Variants in TAFA4 observed in about 807,000 individuals in gnomAD.
TAFA4 encodes chemokine-like protein TAFA-4.
Under a neutral mutation model 21.1 loss-of-function variants are expected in TAFA4, and 20 were observed. The ratio of observed to expected loss-of-function variants is 0.95; its 90% confidence interval spans 0.67 to 1.38. The LOEUF (loss-of-function observed/expected upper bound fraction) is 1.38, where lower values mean the gene tolerates loss of function less well. Among genes scored for constraint, TAFA4 ranks in the 40% most tolerant of loss-of-function variants. The pLI is 0.00. For synonymous variants in TAFA4, 71 were observed against 67.4 expected, an observed-to-expected ratio of 1.05 and a Z score of -0.26; for missense variants, 211 against 180.9, an observed-to-expected ratio of 1.17 and a Z score of -0.95.
intron 3 of TAFA4, among the ~76,000 whole-genome samples, chr3:68,817,990 G>A (rs1704026409): frequency 1.3e-5 from 2 of 152,118 alleles, no homozygotes; most frequent in African/African-American, 2.4e-5. Flanking sequence ...TTGGAGCCTA[G>A]CAGTGACTAC....
At chr3:68,866,172 G>T (rs1179823827) in intron 3 of TAFA4, among the ~76,000 whole-genome samples, 1 of 152,070 alleles carries the variant, frequency 6.6e-6, no homozygotes, top group African/African-American at 2.4e-5. Flanking sequence ...AGCCAAAAAA[G>T]ATGCCAAACT....
At chr3:68,923,853 G>A (rs1016845804) in intron 1 of TAFA4, among the ~76,000 whole-genome samples, 1 of 152,140 alleles carries the variant, frequency 6.6e-6, no homozygotes, top group African/African-American at 2.4e-5. Context: ...TCTACTAAGA[G>A]TTGTGTCTCT....
intron 1 of TAFA4, among the ~76,000 whole-genome samples, chr3:68,892,669 T>A (rs1445271158): frequency 1.3e-5 from 2 of 152,242 alleles, no homozygotes; most frequent in Admixed American, 6.5e-5. Context: ...TGTTTATATA[T>A]GGTTTACACT....
chr3:68,780,823 T>G (rs994281325), intron 3 of TAFA4, among the ~76,000 whole-genome samples: 3 of 151,960 alleles, frequency 2.0e-5, no homozygotes, highest in African/African-American at 4.8e-5. Context: ...ATGGAAAAAG[T>G]ATGCCCAAAA....
chr3:68,883,441 G>T (rs755639257), intron 2 of TAFA4, among the ~76,000 whole-genome samples: 5 of 152,148 alleles, frequency 3.3e-5, no homozygotes, highest in Non-Finnish European at 5.9e-5. Context: ...ACTAAATTCA[G>T]TGTATGTGAA....
chr3:68,890,173 AAGAG>A (rs1473700814), intron 1 of TAFA4, among the ~76,000 whole-genome samples: 1 of 152,220 alleles, frequency 6.6e-6, no homozygotes, highest in African/African-American at 2.4e-5. Context: ...GTCAAGAAGA[AAGAG>A]AGACAGAAGA....
chr3:68,924,857 A>G (rs996726622), intron 1 of TAFA4, among the ~76,000 whole-genome samples: 1 of 151,956 alleles, frequency 6.6e-6, no homozygotes, highest in African/African-American at 2.4e-5. Flanking sequence ...CTCCTTACCC[A>G]CTCCCCACTG....
At chr3:68,851,693 C>T (rs891180496) in intron 3 of TAFA4, among the ~76,000 whole-genome samples, 3 of 152,024 alleles carry the variant, frequency 2.0e-5, no homozygotes, top group Non-Finnish European at 2.9e-5. Context: ...CTTGCCATTA[C>T]CTGATAGCTA....
chr3:68,808,295 C>A (rs546187232), intron 3 of TAFA4, among the ~76,000 whole-genome samples: 1 of 152,142 alleles, frequency 6.6e-6, no homozygotes, highest in Non-Finnish European at 1.5e-5. Flanking sequence ...TCAACCGTCC[C>A]ACCTGAGTCC....
At chr3:68,865,779 G>A (rs191940673) in intron 3 of TAFA4, among the ~76,000 whole-genome samples, 33 of 152,170 alleles carry the variant, frequency 2.2e-4, no homozygotes, top group Admixed American at 1.8e-3. Flanking sequence ...AAAGTAGCTA[G>A]AACTATAGGC....
chr3:68,855,058 G>T lies in TAFA4; in HGVS notation c.130+25672C>A, dbSNP rs571095452. 2.6e-5 allele frequency among the ~76,000 whole-genome samples: 4 copies of T among 152,176 alleles called. 1 individual carries two copies. Among genetic ancestry groups the T allele is most frequent in the Non-Finnish European group, 5.9e-5 (4 of 67,994 alleles). Reference sequence around the variant, plus strand: ...TCTTAGGGGCCAGAACAATGACAATGATAAGTAACAAATGACTGTATGAAA... The same window carrying T: ...TCTTAGGGGCCAGAACAATGACAATTATAAGTAACAAATGACTGTATGAAA... On this transcript the variant is annotated intron_variant, in intron 3 of 5. Coordinates refer to ENST00000295569, the MANE Select transcript of TAFA4 (RefSeq NM_182522.5).
intron 3 of TAFA4, among the ~76,000 whole-genome samples, chr3:68,825,165 C>T (rs969225973): frequency 1.3e-5 from 2 of 152,146 alleles, no homozygotes; most frequent in Non-Finnish European, 2.9e-5. Context: ...GTGATGATCA[C>T]CTCCCTGTGT....
At chr3:68,751,728 A>G (rs1329172404) in intron 4 of TAFA4, among the ~76,000 whole-genome samples, 1 of 152,204 alleles carries the variant, frequency 6.6e-6, no homozygotes, top group African/African-American at 2.4e-5. Flanking sequence ...CCCATGCTGC[A>G]TGAATATTCA....
At chr3:68,843,100 C>T (rs7623909) in intron 3 of TAFA4, among the ~76,000 whole-genome samples, 4 of 151,748 alleles carry the variant, frequency 2.6e-5, no homozygotes, top group South Asian at 2.1e-4. Flanking sequence ...TTGGGGATAG[C>T]GTTGAATCTA....
intron 1 of TAFA4, among the ~76,000 whole-genome samples, chr3:68,904,816 A>G (rs1414477962): frequency 6.6e-6 from 1 of 152,168 alleles, no homozygotes; most frequent in Non-Finnish European, 1.5e-5. Flanking sequence ...AATGGCAGTT[A>G]ACTCATGGGC....
At chr3:68,835,762 C>A (rs6769148) in intron 3 of TAFA4, among the ~76,000 whole-genome samples, 1 of 151,872 alleles carries the variant, frequency 6.6e-6, no homozygotes, top group Non-Finnish European at 1.5e-5. Context: ...CTGTAAGACT[C>A]CTCAAATGAG....
chr3:68,928,734 CAG>C (rs2090132550), intron 1 of TAFA4, among the ~76,000 whole-genome samples: 1 of 152,114 alleles, frequency 6.6e-6, no homozygotes, highest in South Asian at 2.1e-4. Flanking sequence ...CCCTCCTCCG[CAG>C]AGACAGCCAA....
chr3:68,840,033 T>C (rs1704622372), intron 3 of TAFA4, among the ~76,000 whole-genome samples: 1 of 152,194 alleles, frequency 6.6e-6, no homozygotes, highest in Non-Finnish European at 1.5e-5. Context: ...AGGGAGAAGC[T>C]GTCTATGCCA....
At chr3:68,806,350 A>G (rs1407496656) in intron 3 of TAFA4, among the ~76,000 whole-genome samples, 1 of 152,230 alleles carries the variant, frequency 6.6e-6, no homozygotes, top group African/African-American at 2.4e-5. Context: ...CAAAAGCAAC[A>G]AACAAGAAAA....
Sources: allele counts gnomAD v4.1 joint callset (sites outside exome capture counted in the v4.1 genomes callset), GRCh38; gene constraint gnomAD v4.1.1; transcripts MANE v1.5; gene names NCBI Gene and HGNC (gene_info 2026-07-23, HGNC 2026-07-21).